CACNA2D1: variants seen among roughly 807,000 people sequenced by gnomAD.
The protein encoded by CACNA2D1 is calcium voltage-gated channel auxiliary subunit alpha2delta 1.
Under a neutral mutation model 171.5 loss-of-function variants are expected in CACNA2D1, and 53 were observed. That is an observed-to-expected ratio of 0.31 (90% CI 0.25 to 0.39). The LOEUF (loss-of-function observed/expected upper bound fraction) is 0.39, where lower values mean the gene tolerates loss of function less well. Among genes scored for constraint, CACNA2D1 ranks in the 10% least tolerant of loss-of-function variants. The probability of loss-of-function intolerance (pLI) is 1.00; values close to 1 mark genes in which losing one functional copy is unlikely to be tolerated. For synonymous variants in CACNA2D1, 442 were observed against 443.1 expected (o/e 1.00, Z 0.03); for missense variants, 903 against 1,299.8 (o/e 0.69, Z 4.69).
At chr7:82,349,282 C>G (rs1819583403) in intron 2 of CACNA2D1, among the ~76,000 whole-genome samples, 1 of 152,106 alleles carries the variant, frequency 6.6e-6, no homozygotes, top group Non-Finnish European at 1.5e-5. Context: ...AAGTACATGA[C>G]TTCCCTATTT....
At chr7:82,202,155 CTATT>C (rs983101492) in intron 3 of CACNA2D1, among the ~76,000 whole-genome samples, 3 of 152,198 alleles carry the variant, frequency 2.0e-5, no homozygotes, top group African/African-American at 7.2e-5. Flanking sequence ...CTTGGAGCCA[CTATT>C]GTATGTACAA....
At chr7:82,434,674 G>A (rs561430293) in intron 1 of CACNA2D1, among the ~76,000 whole-genome samples, 3 of 152,118 alleles carry the variant, frequency 2.0e-5, no homozygotes, top group Non-Finnish European at 4.4e-5. Context: ...GTCTTCCTCT[G>A]AATTTACTCT....
intron 25 of CACNA2D1, among the ~76,000 whole-genome samples, chr7:81,973,448 C>A (rs919159243): frequency 1.3e-5 from 2 of 151,924 alleles, no homozygotes; most frequent in Admixed American, 6.6e-5. Flanking sequence ...TTCTCATATG[C>A]AATAAATCGA....
intron 3 of CACNA2D1, among the ~76,000 whole-genome samples, chr7:82,230,671 TA>T (rs1802833361): frequency 6.6e-6 from 1 of 152,214 alleles, no homozygotes; most frequent in Admixed American, 6.5e-5. Context: ...AATATTGCAT[TA>T]AAAATGTTTA....
intron 3 of CACNA2D1, among the ~76,000 whole-genome samples, chr7:82,258,600 A>G (rs1479236950): frequency 1.3e-5 from 2 of 152,240 alleles, no homozygotes; most frequent in African/African-American, 4.8e-5. Flanking sequence ...CACTCTAAAC[A>G]GTTGTGCATG....
chr7:82,252,131 T>C (rs1363373700), intron 3 of CACNA2D1, among the ~76,000 whole-genome samples: 1 of 152,154 alleles, frequency 6.6e-6, no homozygotes, highest in Non-Finnish European at 1.5e-5. Context: ...AGAATGCGAG[T>C]ATGCTTTGCA....
At chr7:82,355,787 A>C (rs1329561491) in intron 1 of CACNA2D1, among the ~76,000 whole-genome samples, 1 of 151,614 alleles carries the variant, frequency 6.6e-6, no homozygotes, top group African/African-American at 2.4e-5. Flanking sequence ...CTCCTTCCTT[A>C]CTTCTCTTTT....
At chr7:82,246,975 T>C (rs1476676154) in intron 3 of CACNA2D1, among the ~76,000 whole-genome samples, 1 of 152,108 alleles carries the variant, frequency 6.6e-6, no homozygotes, top group Non-Finnish European at 1.5e-5. Context: ...TCCACCAGTC[T>C]CCAGCTTTGA....
At chr7:82,201,549 T>C (rs558270474) in intron 3 of CACNA2D1, among the ~76,000 whole-genome samples, 25 of 152,186 alleles carry the variant, frequency 1.6e-4, no homozygotes, top group Non-Finnish European at 3.4e-4. Context: ...ATGTTGATTA[T>C]TCAGGTCCCC....
intron 3 of CACNA2D1, among the ~76,000 whole-genome samples, chr7:82,293,124 T>C (rs1342382844): frequency 6.6e-6 from 1 of 152,098 alleles, no homozygotes; most frequent in Non-Finnish European, 1.5e-5. Context: ...CTACTTAATG[T>C]TGCAGTTATG....
At chr7:82,248,106 A>G (rs550587996) in intron 3 of CACNA2D1, among the ~76,000 whole-genome samples, 1 of 152,328 alleles carries the variant, frequency 6.6e-6, no homozygotes, top group African/African-American at 2.4e-5. Context: ...TCTACTGGAG[A>G]TTTTAAGTTG....
Position 82,408,022 on chromosome 7 carries a change from C to CTT in CACNA2D1, c.95+35341_95+35342dup, listed in dbSNP as rs552179208. Reference sequence around the variant, plus strand: ...GACTACACAACCCGGCTTGTACTTTCTTTTTTTTTTTTTTTTGAGACTGAG... The same window carrying CTT: ...GACTACACAACCCGGCTTGTACTTTCTTTTTTTTTTTTTTTTTTGAGACTGAG... On this transcript the variant is annotated intron_variant, in intron 1 of 38. Coordinates refer to ENST00000356860, the MANE Select transcript of CACNA2D1 (RefSeq NM_000722.4). Among the ~76,000 whole-genome samples the CTT allele has an allele frequency of 9.4e-4, 128 of 136,624 alleles. 1 individual carries two copies. The highest frequency in any genetic ancestry group is 1.3e-3 in the Admixed American group (17 of 13,360). The allele number at this position is 136,624 out of a possible 152,430, so 89.6% of individuals were successfully genotyped here. A position where few individuals can be genotyped will look rare whatever the true frequency, so the allele number is the denominator to read the frequency against.
intron 1 of CACNA2D1, among the ~76,000 whole-genome samples, chr7:82,421,328 T>A (rs1249524612): frequency 6.6e-6 from 1 of 152,142 alleles, no homozygotes; most frequent in Non-Finnish European, 1.5e-5. Context: ...CAATCACAAG[T>A]CAGAACAGAA....
chr7:82,001,091 C>T (rs571059512), intron 18 of CACNA2D1, among the ~76,000 whole-genome samples: 1 of 152,148 alleles, frequency 6.6e-6, no homozygotes, highest in South Asian at 2.1e-4. Flanking sequence ...ATATTGTATA[C>T]ATGTGATAAC....
chr7:81,965,637 C>T lies in CACNA2D1; in HGVS notation c.2531G>A (p.Gly844Asp). 6.3e-7 allele frequency: 1 copy of T among 1,597,290 alleles called. No homozygotes were observed. The highest frequency in any genetic ancestry group is 8.6e-7 in the Non-Finnish European group (1 of 1,165,406). The change falls in exon 32 of 39, where the codon GGT becomes GAT. Residue 844 changes from glycine to aspartate, a missense_variant. Transcript: ENST00000356860. ...DVMDCVILDD[G>D]GFLLMANHDD... ...ATGATTTGCCATCAGAAGAAACCCACCATCATCCAGAATCACACAATCCAT... is the reference window on the plus strand; with the variant it reads ...ATGATTTGCCATCAGAAGAAACCCATCATCATCCAGAATCACACAATCCAT...
intron 3 of CACNA2D1, among the ~76,000 whole-genome samples, chr7:82,267,222 C>T (rs1472641983): frequency 1.3e-5 from 2 of 152,124 alleles, no homozygotes; most frequent in African/African-American, 4.8e-5. Context: ...AAAGGCTATA[C>T]TATGGTTTTG....
At chr7:82,066,800 A>G (rs941683360) in intron 7 of CACNA2D1, among the ~76,000 whole-genome samples, 1 of 152,082 alleles carries the variant, frequency 6.6e-6, no homozygotes, top group Non-Finnish European at 1.5e-5. Context: ...CTAACTTAAT[A>G]TGTTTTAGTA....
At chr7:82,181,055 T>A (rs1797085239) in intron 3 of CACNA2D1, among the ~76,000 whole-genome samples, 1 of 121,228 alleles carries the variant, frequency 8.2e-6, no homozygotes, top group African/African-American at 3.1e-5. Context: ...TTTTTTTTTT[T>A]TTTTTTTTTT....
At chr7:82,389,399 C>T (rs576547115) in intron 1 of CACNA2D1, among the ~76,000 whole-genome samples, 2 of 152,096 alleles carry the variant, frequency 1.3e-5, no homozygotes, top group East Asian at 1.9e-4. Flanking sequence ...ATTTAACAAA[C>T]ACTTTGATCC....
Sources: gnomAD v4.1 joint callset for allele counts (sites outside exome capture counted in the v4.1 genomes callset) on GRCh38, gnomAD v4.1.1 for gene constraint, MANE v1.5 for transcripts, NCBI Gene and HGNC (gene_info 2026-07-23, HGNC 2026-07-21) for gene names.